Variants in ANK3 observed in about 807,000 individuals in gnomAD.
ANK3 encodes ankyrin 3.
A neutral mutation model predicts 370.9 loss-of-function variants in ANK3; 57 were observed. The observed-to-expected ratio is 0.15, with a 90% CI of 0.12 to 0.19. ANK3 has a LOEUF of 0.19. Among genes scored for constraint, ANK3 ranks in the 10% least tolerant of loss-of-function variants. The probability of loss-of-function intolerance (pLI) is 1.00; values close to 1 mark genes in which losing one functional copy is unlikely to be tolerated. For missense variants in ANK3, 4,439 were observed against 5,302.1 expected, an observed-to-expected ratio of 0.84 and a Z score of 5.06; for synonymous variants, 1,929 against 1,946.3, an observed-to-expected ratio of 0.99 and a Z score of 0.23.
At chr10:60,395,714 A>G (rs549890672) in intron 2 of ANK3, among the ~76,000 whole-genome samples, 3 of 151,934 alleles carry the variant, frequency 2.0e-5, no homozygotes, top group Non-Finnish European at 4.4e-5. Flanking sequence ...GTGCCGAAAG[A>G]AGCATTCGTG....
At chr10:60,286,603 C>A (rs1486461714) in intron 1 of ANK3, among the ~76,000 whole-genome samples, 2 of 152,132 alleles carry the variant, frequency 1.3e-5, no homozygotes, top group Admixed American at 1.3e-4. Flanking sequence ...ATCTTAGGAT[C>A]ATAAATGCTG....
chr10:60,138,821 T>C, intron 24 of ANK3, 143 bp downstream of exon 24: 1 of 1,039,642 alleles, frequency 9.6e-7, no homozygotes, highest in South Asian at 1.6e-5. Flanking sequence ...AGCATGTGTA[T>C]TTGCGTCGAG....
chr10:60,563,674 A>T (rs2077392221), intron 2 of ANK3, among the ~76,000 whole-genome samples: 1 of 152,178 alleles, frequency 6.6e-6, no homozygotes, highest in Admixed American at 6.5e-5. Context: ...AAAGAAGTTA[A>T]GGAAAAAATT....
chr10:60,170,320 G>A (rs549153858), intron 21 of ANK3, among the ~76,000 whole-genome samples: 1 of 152,266 alleles, frequency 6.6e-6, no homozygotes, highest in South Asian at 2.1e-4. Flanking sequence ...AATGGCTGCT[G>A]GAGTCCCAGT....
chr10:60,308,752 C>T (rs1310814510), intron 1 of ANK3, among the ~76,000 whole-genome samples: 6 of 152,220 alleles, frequency 3.9e-5, no homozygotes, highest in East Asian at 1.9e-4. Flanking sequence ...TAGGCAGGGG[C>T]ACATGACAGT....
intron 2 of ANK3, among the ~76,000 whole-genome samples, chr10:60,560,831 G>A (rs116481856): frequency 2.6e-5 from 4 of 151,940 alleles, no homozygotes; most frequent in African/African-American, 7.2e-5. Flanking sequence ...TTGAATACAC[G>A]ATTCACTTAA....
intron 42 of ANK3, among the ~76,000 whole-genome samples, chr10:60,054,636 GCTGAGAATCAGCTC>G (rs977586464): frequency 2.6e-4 from 40 of 152,208 alleles, no homozygotes; most frequent in African/African-American, 9.6e-4. Context: ...TTACTGATAA[GCTGAGAATCAGCTC>G]CTGAGCGATT....
chr10:60,569,654 T>A (rs1376447997), intron 2 of ANK3, among the ~76,000 whole-genome samples: 1 of 152,212 alleles, frequency 6.6e-6, no homozygotes, highest in Non-Finnish European at 1.5e-5. Context: ...TATGATTCCA[T>A]CACATTTACC....
chr10:60,458,365 C>T (rs139339568), intron 2 of ANK3, among the ~76,000 whole-genome samples: 3 of 152,230 alleles, frequency 2.0e-5, no homozygotes, highest in Non-Finnish European at 4.4e-5. Context: ...TCCAACATCT[C>T]TTAGGGAGGG....
chr10:60,332,695 T>C (rs1481300289), intron 1 of ANK3, among the ~76,000 whole-genome samples: 5 of 152,124 alleles, frequency 3.3e-5, no homozygotes, highest in Admixed American at 6.5e-5. Context: ...AATAAATATA[T>C]AAATAAGAGC....
chr10:60,201,519 C>A (rs2096673266), intron 12 of ANK3, among the ~76,000 whole-genome samples: 1 of 152,162 alleles, frequency 6.6e-6, no homozygotes, highest in African/African-American at 2.4e-5. Context: ...ATGCCACATG[C>A]AGATCATGGG....
chr10:60,305,636 A>G (rs1274240985), intron 1 of ANK3, among the ~76,000 whole-genome samples: 4 of 152,198 alleles, frequency 2.6e-5, no homozygotes, highest in Non-Finnish European at 5.9e-5. Context: ...CTACTCATTC[A>G]AACTTTCTGT....
intron 4 of ANK3, among the ~76,000 whole-genome samples, chr10:60,271,688 A>G (rs1158824167): frequency 2.0e-5 from 3 of 152,060 alleles, no homozygotes; most frequent in African/African-American, 7.2e-5. Context: ...ATAAATATCA[A>G]CTACTATATG....
chr10:60,634,946 C>T (rs899306331), intron 1 of ANK3, among the ~76,000 whole-genome samples: 4 of 152,160 alleles, frequency 2.6e-5, no homozygotes, highest in East Asian at 1.9e-4. Context: ...GAACAAACTC[C>T]GCACACACCA....
intron 2 of ANK3, among the ~76,000 whole-genome samples, chr10:60,525,991 T>C (rs1364446855): frequency 6.6e-6 from 1 of 152,044 alleles, no homozygotes; most frequent in African/African-American, 2.4e-5. Context: ...AGAAAGGATA[T>C]TTGAGCCTTA....
chr10:60,447,878 T>C (rs972236070), intron 2 of ANK3, among the ~76,000 whole-genome samples: 2 of 152,184 alleles, frequency 1.3e-5, no homozygotes, highest in Non-Finnish European at 2.9e-5. Flanking sequence ...TTGTGACCGA[T>C]AATTTTAAGA....
At chr10:60,051,872 AACT>A (rs1460508340) in intron 42 of ANK3, among the ~76,000 whole-genome samples, 1 of 152,046 alleles carries the variant, frequency 6.6e-6, no homozygotes, top group African/African-American at 2.4e-5. Context: ...TGGCAGCAGA[AACT>A]ACAATTAAAT....
chr10:60,622,251 C>CT (rs34337038), intron 1 of ANK3, among the ~76,000 whole-genome samples: 42,349 of 146,250 alleles, frequency 0.29, 6,826 homozygotes, highest in South Asian at 0.49. Context: ...AGGCCTGAGG[C>CT]TTTTTTTTTT....
chr10:60,143,095 T>A (rs1311979147), intron 23 of ANK3, among the ~76,000 whole-genome samples: 2 of 152,210 alleles, frequency 1.3e-5, no homozygotes, highest in Non-Finnish European at 2.9e-5. Context: ...AATATCTGAA[T>A]GCATGAACTC....
Sources: gnomAD v4.1 joint callset for allele counts (sites outside exome capture counted in the v4.1 genomes callset) on GRCh38, gnomAD v4.1.1 for gene constraint, MANE v1.5 for transcripts, NCBI Gene and HGNC (gene_info 2026-07-23, HGNC 2026-07-21) for gene names.